The following EPN2 variants were observed in gnomAD, a reference collection of about 807,000 sequenced individuals.
EPN2 encodes the protein epsin 2.
Under a neutral mutation model 61.7 loss-of-function variants are expected in EPN2, and 34 were observed. The ratio of observed to expected loss-of-function variants is 0.55; its 90% CI spans 0.42 to 0.73. EPN2 has a LOEUF of 0.73. Ranked by LOEUF, EPN2 falls within the 30% of genes least tolerant of loss-of-function variation. EPN2 has a pLI of 0.00. For synonymous variants in EPN2, 349 were observed against 353.6 expected, an observed-to-expected ratio of 0.99 and a Z score of 0.15; for missense variants, 714 against 839.2, an observed-to-expected ratio of 0.85 and a Z score of 1.84.
chr17:19,313,597 C>G, intron 7 of EPN2: 1 of 325,614 alleles, frequency 3.1e-6, no homozygotes, highest in Non-Finnish European at 5.6e-6. Context: ...CAGCGTTACA[C>G]CCAGCGTCCC....
chr17:19,332,828 G>A (rs1319584725), intron 10 of EPN2, among the ~76,000 whole-genome samples: 3 of 152,208 alleles, frequency 2.0e-5, no homozygotes, highest in African/African-American at 7.2e-5. Context: ...CCTTCCTCAC[G>A]GGGTTTCCCC....
Position 19,335,120 on chromosome 17 carries a change from C to T in EPN2, c.*866C>T, listed in dbSNP as rs1907340443. 1 of 248,106 alleles carries T rather than the reference C, an allele frequency of 4.0e-6. No individual in the cohort carries two copies. Among genetic ancestry groups the T allele is most frequent in the Non-Finnish European group, 7.6e-6 (1 of 131,284 alleles). 15.4% of individuals were successfully genotyped at this position (248,106 alleles called of 1,614,324 possible). A position where few individuals can be genotyped will look rare whatever the true frequency, so the allele number is the denominator to read the frequency against. On this transcript the variant is annotated 3_prime_UTR_variant, in exon 11 of 11. Transcript: ENST00000314728. ...CCTTATTGAAAAACTAAAGCAAATT[C>T]TTTATAGGAAGAAAATATGGGAATT...
At chr17:19,272,824 A>C (rs759182342) in intron 1 of EPN2, among the ~76,000 whole-genome samples, 29 of 152,204 alleles carry the variant, frequency 1.9e-4, no homozygotes, top group Admixed American at 1.4e-3. Context: ...CTCTACACTG[A>C]GGGGGAGGTG....
At chr17:19,251,724 G>C (rs1482682249) in intron 1 of EPN2, among the ~76,000 whole-genome samples, 1 of 152,136 alleles carries the variant, frequency 6.6e-6, no homozygotes, top group East Asian at 1.9e-4. Context: ...GTGAGCCACT[G>C]CACCCGGCCA....
chr17:19,259,652 T>C (rs530903548), intron 1 of EPN2, among the ~76,000 whole-genome samples: 1 of 152,264 alleles, frequency 6.6e-6, no homozygotes, highest in Non-Finnish European at 1.5e-5. Flanking sequence ...TGATCTTTGC[T>C]TGCAGTTTTT....
At chr17:19,304,843 G>A (rs928386440) in intron 4 of EPN2, among the ~76,000 whole-genome samples, 4 of 152,186 alleles carry the variant, frequency 2.6e-5, no homozygotes, top group African/African-American at 9.7e-5. Flanking sequence ...CATGCACAGG[G>A]TGTGAGAGGT....
chr17:19,286,387 C>T (rs1199422123), intron 4 of EPN2, among the ~76,000 whole-genome samples: 2 of 152,032 alleles, frequency 1.3e-5, no homozygotes, highest in African/African-American at 4.8e-5. Flanking sequence ...TTGAAGATAC[C>T]TAATTCAATG....
chr17:19,302,730 C>T (rs763350960), intron 4 of EPN2, among the ~76,000 whole-genome samples: 1 of 152,214 alleles, frequency 6.6e-6, no homozygotes, highest in Non-Finnish European at 1.5e-5. Flanking sequence ...AAACCATCCC[C>T]GACCCCACCC....
chr17:19,328,984 C>A, intron 8 of EPN2, 97 bp downstream of exon 8: 1 of 1,123,486 alleles, frequency 8.9e-7, no homozygotes, highest in Non-Finnish European at 1.3e-6. Flanking sequence ...TGTTGCTTTG[C>A]TTGCATTTGC....
chr17:19,335,381 AC>A lies in EPN2; in HGVS notation c.*1128del, dbSNP rs952323707. 1.3e-6 allele frequency: 2 copies of A among 1,547,498 alleles called. No homozygotes were observed. Among genetic ancestry groups the A allele is most frequent in the African/African-American group, 2.7e-5 (2 of 72,956 alleles). ...GAATGTGACTCACCAATTTTTATCA[AC>A]TAATTCCTTTTTTTTATTAAAGGCA... On this transcript the variant is annotated 3_prime_UTR_variant, in exon 11 of 11. Transcript: ENST00000314728.
At chr17:19,290,315 A>T (rs1466245168) in intron 4 of EPN2, among the ~76,000 whole-genome samples, 3 of 152,104 alleles carry the variant, frequency 2.0e-5, no homozygotes. Flanking sequence ...TCTTTCCACC[A>T]TTTCCTGTTC....
chr17:19,276,890 G>A (rs2152214754), intron 1 of EPN2, among the ~76,000 whole-genome samples: 1 of 150,854 alleles, frequency 6.6e-6, no homozygotes, highest in East Asian at 2.0e-4. Context: ...CTGGTGTAGA[G>A]GTTCATAAGA....
chr17:19,251,500 C>T (rs2045014862), intron 1 of EPN2, among the ~76,000 whole-genome samples: 1 of 151,992 alleles, frequency 6.6e-6, no homozygotes, highest in South Asian at 2.1e-4. Flanking sequence ...GTTGTGTAAT[C>T]TCAGCTCACT....
chr17:19,320,321 G>C (rs1222143692), intron 7 of EPN2, among the ~76,000 whole-genome samples: 1 of 152,192 alleles, frequency 6.6e-6, no homozygotes, highest in African/African-American at 2.4e-5. Context: ...CTGGGGCCAG[G>C]CCTGGGGACT....
At chr17:19,243,615 G>A (rs907410844) in intron 1 of EPN2, among the ~76,000 whole-genome samples, 1 of 151,878 alleles carries the variant, frequency 6.6e-6, no homozygotes, top group Non-Finnish European at 1.5e-5. Flanking sequence ...GGATGGTCTC[G>A]ATCTCCTGAC....
At chr17:19,327,240 C>A (rs1906921649) in intron 7 of EPN2, among the ~76,000 whole-genome samples, 1 of 152,190 alleles carries the variant, frequency 6.6e-6, no homozygotes, top group South Asian at 2.1e-4. Context: ...ACAGAGGAAT[C>A]ATGACTTTTT....
chr17:19,281,029 A>G (rs2045354090), intron 1 of EPN2, among the ~76,000 whole-genome samples: 1 of 152,214 alleles, frequency 6.6e-6, no homozygotes, highest in African/African-American at 2.4e-5. Context: ...GAAGAGATGC[A>G]TAGGCCAGGT....
At chr17:19,286,188 C>T (rs1481687903) in intron 4 of EPN2, among the ~76,000 whole-genome samples, 1 of 152,190 alleles carries the variant, frequency 6.6e-6, no homozygotes, top group Admixed American at 6.5e-5. Context: ...AACCTCACAA[C>T]ACCAGACAAA....
chr17:19,289,911 G>A (rs2045446340), intron 4 of EPN2, among the ~76,000 whole-genome samples: 1 of 151,696 alleles, frequency 6.6e-6, no homozygotes, highest in Non-Finnish European at 1.5e-5. Flanking sequence ...TTTTAGTAGA[G>A]ATGAGGTTTC....
Sources: gnomAD v4.1 joint callset for allele counts (sites outside exome capture counted in the v4.1 genomes callset) on GRCh38, gnomAD v4.1.1 for gene constraint, MANE v1.5 for transcripts, NCBI Gene and HGNC (gene_info 2026-07-23, HGNC 2026-07-21) for gene names.